Variants in KALRN observed in about 807,000 individuals in gnomAD.
KALRN encodes kalirin RhoGEF kinase.
Under a neutral mutation model 353.7 loss-of-function variants are expected in KALRN, and 70 were observed. The observed-to-expected ratio is 0.20, with a 90% CI of 0.16 to 0.24. The LOEUF (loss-of-function observed/expected upper bound fraction) is 0.24. Among genes scored for constraint, KALRN ranks in the 10% least tolerant of loss-of-function variants. The pLI is 1.00. For synonymous variants in KALRN, 1,391 were observed against 1,434.8 expected (o/e 0.97, Z 0.69); for missense variants, 2,791 against 3,756.7 (o/e 0.74, Z 6.72).
intron 15 of KALRN, among the ~76,000 whole-genome samples, chr3:124,427,692 C>G (rs1158787543): frequency 6.6e-6 from 1 of 152,200 alleles, no homozygotes; most frequent in African/African-American, 2.4e-5. Context: ...AACTTTTGGC[C>G]TAGCTCTTAA....
At chr3:124,268,011 C>G (rs1226127104) in intron 4 of KALRN, among the ~76,000 whole-genome samples, 1 of 152,162 alleles carries the variant, frequency 6.6e-6, no homozygotes, top group East Asian at 1.9e-4. Context: ...AATTTGCTAG[C>G]CTCTCATTCT....
At chr3:124,477,951 G>T (rs1341850592) in intron 27 of KALRN, among the ~76,000 whole-genome samples, 2 of 152,214 alleles carry the variant, frequency 1.3e-5, no homozygotes, top group East Asian at 3.9e-4. Flanking sequence ...TGTGCAGCCA[G>T]GGCTGAACAC....
intron 1 of KALRN, among the ~76,000 whole-genome samples, chr3:124,159,449 T>G (rs561964861): frequency 6.6e-6 from 1 of 152,222 alleles, no homozygotes; most frequent in Non-Finnish European, 1.5e-5. Flanking sequence ...TTTTTGTATT[T>G]TTTGTAGAGA....
At chr3:124,204,327 A>T (rs1230114519) in intron 1 of KALRN, among the ~76,000 whole-genome samples, 1 of 152,240 alleles carries the variant, frequency 6.6e-6, no homozygotes, top group Non-Finnish European at 1.5e-5. Context: ...TCTACTTTTA[A>T]AAATCTTCTA....
chr3:124,218,005 T>A (rs2077512299), intron 1 of KALRN, among the ~76,000 whole-genome samples: 1 of 151,642 alleles, frequency 6.6e-6, no homozygotes, highest in Non-Finnish European at 1.5e-5. Flanking sequence ...CAAGTGGGAG[T>A]GGGAAGAAAC....
intron 22 of KALRN, 93 bp downstream of exon 22, chr3:124,455,452 G>A (rs2059214765): frequency 7.7e-7 from 1 of 1,298,516 alleles, no homozygotes; most frequent in Non-Finnish European, 1.1e-6. Flanking sequence ...CATGTTTCCA[G>A]AGCAGTTCTT....
At chr3:124,428,370 A>G (rs114397523) in intron 15 of KALRN, among the ~76,000 whole-genome samples, 1,523 of 152,278 alleles carry the variant, frequency 0.01, 29 homozygotes, top group African/African-American at 0.034. Context: ...TACCATCATA[A>G]TCATCAGACT....
At chr3:124,385,099 A>T (rs943503513) in intron 11 of KALRN, 63 bp downstream of exon 11, 8 of 1,448,212 alleles carry the variant, frequency 5.5e-6, no homozygotes, top group Non-Finnish European at 7.5e-6. Flanking sequence ...CTTCCTAGTA[A>T]AATGGCCCTG....
chr3:124,677,105 TC>T (rs1326038059), intron 49 of KALRN, among the ~76,000 whole-genome samples: 1 of 152,196 alleles, frequency 6.6e-6, no homozygotes, highest in Admixed American at 6.5e-5. Flanking sequence ...AGCTTCCTTT[TC>T]CTAAATCTCC....
rs566605336 is a variant in KALRN, at chr3:124,516,224, A to G, written c.4935+19811A>G. 4.6e-5 allele frequency among the ~76,000 whole-genome samples: 7 copies of G among 152,356 alleles called. No individual in the cohort carries two copies. The East Asian group carries it at 1.3e-3, about 29-fold the overall frequency. On this transcript the variant is annotated intron_variant, in intron 33 of 59. Transcript: ENST00000682506. ...ACATACAAATGTACAAATATTATTTAGAAGATGGATTCTCCTTTAGAAGAG... is the reference window on the plus strand; with the variant it reads ...ACATACAAATGTACAAATATTATTTGGAAGATGGATTCTCCTTTAGAAGAG...
chr3:124,142,724 C>A (rs1466905919), intron 1 of KALRN, among the ~76,000 whole-genome samples: 1 of 152,064 alleles, frequency 6.6e-6, no homozygotes, highest in East Asian at 1.9e-4. Flanking sequence ...CCACTCTGTA[C>A]TCCTCCAGCC....
At chr3:124,550,163 CTAAG>C (rs1333697024) in intron 33 of KALRN, among the ~76,000 whole-genome samples, 1 of 152,086 alleles carries the variant, frequency 6.6e-6, no homozygotes, top group African/African-American at 2.4e-5. Flanking sequence ...CTTTGCAGGA[CTAAG>C]TGATAGATCA....
In KALRN at chr3:124,672,432, G is replaced by A. The variant is rs114426013; in HGVS notation, c.6942+534G>A. Among the ~76,000 whole-genome samples the A allele has an allele frequency of 9.0e-3, 1,373 of 152,208 alleles. 17 individuals carry two copies. The highest frequency in any genetic ancestry group is 0.03 in the African/African-American group (1,240 of 41,524). The stretch of plus-strand genomic sequence containing the variant: ...TAGAGTAGTTTCAGTGTGGATCATC[G>A]TCATCTAAAAGTCACAGCTGTAGTG... On this transcript the variant is annotated intron_variant, in intron 48 of 59. Coordinates refer to ENST00000682506, the MANE Select transcript of KALRN (RefSeq NM_001388419.1).
At chr3:124,381,242 G>T (rs1341195269) in intron 10 of KALRN, among the ~76,000 whole-genome samples, 1 of 152,150 alleles carries the variant, frequency 6.6e-6, no homozygotes, top group Non-Finnish European at 1.5e-5. Context: ...GAAGGGAAGG[G>T]CATCTCAGGC....
intron 1 of KALRN, among the ~76,000 whole-genome samples, chr3:124,127,916 C>T (rs2064868679): frequency 6.6e-6 from 1 of 152,054 alleles, no homozygotes; most frequent in Non-Finnish European, 1.5e-5. Context: ...TCCATGTCTC[C>T]TTATTTTTTT....
intron 21 of KALRN, among the ~76,000 whole-genome samples, chr3:124,448,580 C>T (rs1041955546): frequency 2.0e-4 from 30 of 151,848 alleles, no homozygotes; most frequent in Admixed American, 1.2e-3. Context: ...CTGGAATACC[C>T]TTCCCTTCCC....
intron 1 of KALRN, among the ~76,000 whole-genome samples, chr3:124,143,900 A>T (rs570898689): frequency 6.6e-6 from 1 of 152,344 alleles, no homozygotes; most frequent in African/African-American, 2.4e-5. Context: ...TTTTCATTTT[A>T]GAACAGGATA....
intron 37 of KALRN, among the ~76,000 whole-genome samples, chr3:124,646,401 T>TC: frequency 6.8e-6 from 1 of 146,414 alleles, no homozygotes; most frequent in East Asian, 2.1e-4. Flanking sequence ...CTTTTTTTTT[T>TC]TTTTTTTGAG....
At chr3:124,386,786 T>C (rs1428077932) in intron 11 of KALRN, among the ~76,000 whole-genome samples, 1 of 152,226 alleles carries the variant, frequency 6.6e-6, no homozygotes, top group Non-Finnish European at 1.5e-5. Context: ...TAAGATTTGG[T>C]TTATTGTAAG....
Sources: allele counts gnomAD v4.1 joint callset (sites outside exome capture counted in the v4.1 genomes callset), GRCh38; gene constraint gnomAD v4.1.1; transcripts MANE v1.5; gene names NCBI Gene and HGNC (gene_info 2026-07-23, HGNC 2026-07-21).